GTF2A2: variants seen among roughly 807,000 people sequenced by gnomAD.
The protein encoded by GTF2A2 is transcription initiation factor IIA subunit 2.
GTF2A2 carries 9 observed loss-of-function variants against 14.3 expected under a neutral mutation model. That is an observed-to-expected ratio of 0.63 (90% CI 0.38 to 1.10). GTF2A2 has a LOEUF of 1.10. Among genes scored for constraint, GTF2A2 ranks in the 50% least tolerant of loss-of-function variants. The pLI, the probability that GTF2A2 is intolerant of heterozygous loss-of-function variation, is 0.01. For missense variants in GTF2A2, 90 were observed against 124.6 expected (o/e 0.72, Z 1.32); for synonymous variants, 56 against 46.0 (o/e 1.22, Z -0.88).
chr15:59,649,099 G>A (rs1891711257), intron 3 of GTF2A2, among the ~76,000 whole-genome samples: 3 of 152,208 alleles, frequency 2.0e-5, no homozygotes, highest in African/African-American at 4.8e-5. Flanking sequence ...TGAAAATTAG[G>A]TATTTCTAAC....
chr15:59,640,140 C>A (rs1366648567), intron 4 of GTF2A2: 3 of 152,240 alleles, frequency 2.0e-5, no homozygotes, highest in Non-Finnish European at 2.9e-5. Context: ...CAACAATCTT[C>A]TCACTAAAGA....
chr15:59,647,588 AT>A (rs759690975), intron 3 of GTF2A2, among the ~76,000 whole-genome samples: 5 of 151,798 alleles, frequency 3.3e-5, no homozygotes, highest in African/African-American at 1.2e-4. Flanking sequence ...ATGTTTTTGT[AT>A]TTTTTTTAAG....
Position 59,649,972 on chromosome 15 carries a change from TATAAAC to T in GTF2A2, c.177+691_177+696del, listed in dbSNP as rs1362010461. On this transcript the variant is annotated intron_variant, in intron 3 of 4. Coordinates refer to ENST00000396060, the MANE Select transcript of GTF2A2 (RefSeq NM_004492.3). ...CTACAGGTTATGCCTTATAATACAA[TATAAAC>T]ATAAAGTTAGATAAATAATAAGCAA... 1.1e-4 allele frequency among the ~76,000 whole-genome samples: 16 copies of T among 152,336 alleles called. No individual in the cohort carries two copies. In the South Asian group the frequency reaches 1.7e-3, roughly 16 times the overall value.
intron 3 of GTF2A2, among the ~76,000 whole-genome samples, chr15:59,643,556 G>T (rs1891504075): frequency 6.7e-6 from 1 of 149,528 alleles, no homozygotes; most frequent in African/African-American, 2.5e-5. Context: ...GTTTAAAGTA[G>T]GAATATATAT....
At chr15:59,657,356 G>T (rs1356357668) in intron 1 of GTF2A2, 50 bp downstream of exon 1, 5 of 152,512 alleles carry the variant, frequency 3.3e-5, no homozygotes, top group Non-Finnish European at 5.9e-5. Flanking sequence ...GGGGCGGCAG[G>T]GAGCGCGGCC....
intron 1 of GTF2A2, among the ~76,000 whole-genome samples, chr15:59,654,373 A>G (rs10152414): frequency 0.65 from 99,440 of 152,056 alleles, 32,864 homozygotes; most frequent in African/African-American, 0.73. Flanking sequence ...ATTCTTTCCA[A>G]ATACCTGCAT....
At chr15:59,653,385 G>A (rs1480942670) in intron 1 of GTF2A2, among the ~76,000 whole-genome samples, 1 of 152,172 alleles carries the variant, frequency 6.6e-6, no homozygotes, top group African/African-American at 2.4e-5. Context: ...CAAAAATAAT[G>A]GCCAGCCATC....
intron 3 of GTF2A2, among the ~76,000 whole-genome samples, chr15:59,644,954 TAA>T (rs1437281213): frequency 1.3e-5 from 2 of 152,142 alleles, no homozygotes; most frequent in African/African-American, 4.8e-5. Flanking sequence ...CTAAAGGAAG[TAA>T]GACCAACTAT....
chr15:59,645,330 C>G (rs987106800), intron 3 of GTF2A2, among the ~76,000 whole-genome samples: 2 of 152,084 alleles, frequency 1.3e-5, no homozygotes, highest in African/African-American at 4.8e-5. Context: ...CCAAGGACAG[C>G]GGACGCACGC....
intron 1 of GTF2A2, 135 bp from the exon 2 acceptor site, chr15:59,652,461 A>G (rs1891823397): frequency 3.8e-6 from 2 of 519,834 alleles, no homozygotes; most frequent in South Asian, 5.3e-5. Flanking sequence ...CTAGATAATC[A>G]TTTTAGAATT....
rs1891272453 is a variant in GTF2A2 at position 59,638,755 on chromosome 15, T to TTTATTGAAATAA, written c.*365_*376dup. The TTTATTGAAATAA allele has an allele frequency of 6.2e-6, 1 of 161,006 alleles. No individual in the cohort carries two copies. Among genetic ancestry groups the TTTATTGAAATAA allele is most frequent in the Non-Finnish European group, 1.3e-5 (1 of 74,330 alleles). 10.0% of individuals were successfully genotyped at this position (161,006 alleles called of 1,614,324 possible). A position where few individuals can be genotyped will look rare whatever the true frequency, so the allele number is the denominator to read the frequency against. On this transcript the variant is annotated 3_prime_UTR_variant, in exon 5 of 5. Transcript: ENST00000396060. ...AAAGTTACAACTGACAAAACATGAC[T>TTTATTGAAATAA]TTATTGAAATAAGCATTCTGAAAGG...
intron 3 of GTF2A2, among the ~76,000 whole-genome samples, chr15:59,642,931 T>C (rs563033236): frequency 6.6e-6 from 1 of 152,056 alleles, no homozygotes; most frequent in East Asian, 1.9e-4. Context: ...CACGCCCAGC[T>C]AGTTTTTTTA....
At chr15:59,655,534 G>C (rs781623249) in intron 1 of GTF2A2, among the ~76,000 whole-genome samples, 25 of 152,170 alleles carry the variant, frequency 1.6e-4, no homozygotes, top group Non-Finnish European at 2.6e-4. Context: ...TAACTCACAA[G>C]TTCATCCTTC....
intron 3 of GTF2A2, among the ~76,000 whole-genome samples, chr15:59,648,082 A>C (rs1220310317): frequency 6.6e-6 from 1 of 152,138 alleles, no homozygotes; most frequent in African/African-American, 2.4e-5. Context: ...CTATGGGCAT[A>C]TGTTCTCCCA....
chr15:59,645,745 T>C (rs141555443), intron 3 of GTF2A2, among the ~76,000 whole-genome samples: 1,631 of 152,194 alleles, frequency 0.011, 32 homozygotes, highest in Non-Finnish European at 0.015. Context: ...TAAGAGTGTG[T>C]ATATTACTGG....
chr15:59,651,980 A>C (rs1270491828), intron 2 of GTF2A2: 1 of 415,918 alleles, frequency 2.4e-6, no homozygotes, highest in East Asian at 4.6e-5. Context: ...CACTGCATGT[A>C]CCCAGATTTA....
chr15:59,639,258 ATAG>A (rs1383864879), intron 4 of GTF2A2, 101 bp from the exon 5 acceptor site: 7 of 759,844 alleles, frequency 9.2e-6, no homozygotes, highest in African/African-American at 5.2e-5. Flanking sequence ...CACAGGACTA[ATAG>A]TGGTGGTGGC....
chr15:59,649,549 A>C lies in GTF2A2; in HGVS notation c.177+1120T>G. On this transcript the variant is annotated intron_variant, in intron 3 of 4. Transcript: ENST00000396060. Reference sequence around the variant, plus strand: ...AGACTTCTGCATATGGGTATATAAAAAAACACAAACTAATTTTGGCAGAAT... The same window carrying C: ...AGACTTCTGCATATGGGTATATAAACAAACACAAACTAATTTTGGCAGAAT... Among the ~76,000 whole-genome samples, 2 of 152,226 alleles carry C rather than the reference A, an allele frequency of 1.3e-5. 1 individual carries two copies. The highest frequency in any genetic ancestry group is 2.9e-5 in the Non-Finnish European group (2 of 68,036).
intron 3 of GTF2A2, among the ~76,000 whole-genome samples, chr15:59,642,472 T>C (rs1595667674): frequency 6.6e-6 from 1 of 152,330 alleles, no homozygotes. Flanking sequence ...GTTGGCAGAC[T>C]GTATTTTTAG....
Sources: allele counts gnomAD v4.1 joint callset (sites outside exome capture counted in the v4.1 genomes callset), GRCh38; gene constraint gnomAD v4.1.1; transcripts MANE v1.5; gene names NCBI Gene and HGNC (gene_info 2026-07-23, HGNC 2026-07-21).